ERC2: variants seen among roughly 807,000 people sequenced by gnomAD.
ERC2 encodes the protein ERC protein 2.
Under a neutral mutation model 114.8 loss-of-function variants are expected in ERC2, and 42 were observed. The ratio of observed to expected loss-of-function variants is 0.37; its 90% confidence interval spans 0.29 to 0.47. The LOEUF is 0.47. ERC2 is among the 20% of genes least tolerant of loss of function. ERC2 has a pLI of 0.99. For missense variants in ERC2, 939 were observed against 1,150.7 expected (o/e 0.82, Z 2.66); for synonymous variants, 454 against 425.5 (o/e 1.07, Z -0.82).
Position 56,348,554 on chromosome 3 carries a change from A to C in ERC2, c.658-52119T>G, listed in dbSNP as rs530767443. Reference sequence around the variant, plus strand: ...TTTAATATTTAATAATTATGTATTTATAAATTAAATATATACAACTTTATG... The same window carrying C: ...TTTAATATTTAATAATTATGTATTTCTAAATTAAATATATACAACTTTATG... On this transcript the variant is annotated intron_variant, in intron 2 of 17. Coordinates refer to ENST00000288221, the MANE Select transcript of ERC2 (RefSeq NM_015576.3). 4.1e-4 allele frequency among the ~76,000 whole-genome samples: 61 copies of C among 149,438 alleles called. 1 individual carries two copies. The East Asian group carries it at 0.011, about 27-fold the overall frequency.
intron 17 of ERC2, among the ~76,000 whole-genome samples, chr3:55,634,392 G>A (rs1409814961): frequency 6.6e-6 from 1 of 152,018 alleles, no homozygotes; most frequent in Non-Finnish European, 1.5e-5. Flanking sequence ...TACGATCTTG[G>A]CCAAATTCTA....
chr3:56,324,113 C>G (rs1427905914), intron 2 of ERC2, among the ~76,000 whole-genome samples: 2 of 152,152 alleles, frequency 1.3e-5, no homozygotes, highest in Non-Finnish European at 2.9e-5. Flanking sequence ...CAGTTCCTAT[C>G]CCTAAACAAT....
At chr3:56,299,114 T>G (rs1283679939) in intron 2 of ERC2, among the ~76,000 whole-genome samples, 2 of 136,398 alleles carry the variant, frequency 1.5e-5, no homozygotes, top group East Asian at 2.0e-4. Flanking sequence ...TTGTTTTTTT[T>G]TTTTGTTTTT....
Position 56,029,134 on chromosome 3 carries a change from C to T in ERC2, c.1642-10103G>A, listed in dbSNP as rs188091296. Among the ~76,000 whole-genome samples, 934 of 151,928 alleles carry T rather than the reference C, an allele frequency of 6.1e-3. 15 individuals are homozygous for T. The highest frequency in any genetic ancestry group is 0.022 in the African/African-American group (892 of 41,454). On this transcript the variant is annotated intron_variant, in intron 7 of 17. Transcript: ENST00000288221. Reference sequence around the variant, plus strand: ...GGTGTGCTAAATCAGCCTTGCACACCGGGAATAAATTTCACTTGGTCATGC... The same window carrying T: ...GGTGTGCTAAATCAGCCTTGCACACTGGGAATAAATTTCACTTGGTCATGC...
intron 2 of ERC2, among the ~76,000 whole-genome samples, chr3:56,342,379 T>C (rs2058122924): frequency 6.6e-6 from 1 of 152,234 alleles, no homozygotes; most frequent in South Asian, 2.1e-4. Flanking sequence ...GATTCCATAA[T>C]AACAAATATC....
chr3:56,345,140 A>C (rs1013382554), intron 2 of ERC2, among the ~76,000 whole-genome samples: 1 of 152,228 alleles, frequency 6.6e-6, no homozygotes. Flanking sequence ...ATAAAACTTT[A>C]TTTACAGAAA....
chr3:55,536,687 G>C (rs1021838490), intron 17 of ERC2, among the ~76,000 whole-genome samples: 1 of 152,208 alleles, frequency 6.6e-6, no homozygotes, highest in African/African-American at 2.4e-5. Context: ...CTGCTAAGGG[G>C]CTACACTAAA....
intron 1 of ERC2, among the ~76,000 whole-genome samples, chr3:56,452,909 A>G (rs1191285728): frequency 1.3e-5 from 2 of 152,210 alleles, no homozygotes; most frequent in Non-Finnish European, 2.9e-5. Flanking sequence ...CCTCATCATC[A>G]TCAATATTGA....
intron 2 of ERC2, among the ~76,000 whole-genome samples, chr3:56,327,485 A>T (rs2150443008): frequency 1.3e-5 from 2 of 152,306 alleles, no homozygotes; most frequent in Non-Finnish European, 2.9e-5. Flanking sequence ...GCCTAACCAT[A>T]TCACACTGAA....
chr3:56,437,330 C>A (rs1260797113), intron 1 of ERC2, among the ~76,000 whole-genome samples: 1 of 152,242 alleles, frequency 6.6e-6, no homozygotes, highest in Non-Finnish European at 1.5e-5. Context: ...CAGCCACTGC[C>A]CAGCGGGGCA....
intron 13 of ERC2, among the ~76,000 whole-genome samples, chr3:55,927,829 G>T (rs569818584): frequency 2.5e-4 from 38 of 151,748 alleles, no homozygotes; most frequent in African/African-American, 8.9e-4. Flanking sequence ...ATTTTTTTTA[G>T]CTCCCACAAA....
intron 7 of ERC2, among the ~76,000 whole-genome samples, chr3:56,033,500 G>A (rs557051049): frequency 3.9e-5 from 6 of 152,208 alleles, no homozygotes; most frequent in African/African-American, 1.2e-4. Flanking sequence ...CATGTATAGT[G>A]GTGACGAGCT....
intron 17 of ERC2, among the ~76,000 whole-genome samples, chr3:55,590,310 G>A (rs1575682688): frequency 6.6e-6 from 1 of 152,160 alleles, no homozygotes; most frequent in Non-Finnish European, 1.5e-5. Context: ...GGGTGCATAA[G>A]GTGCTTTCAA....
intron 13 of ERC2, among the ~76,000 whole-genome samples, chr3:55,949,959 T>C (rs1450072358): frequency 6.6e-6 from 1 of 152,208 alleles, no homozygotes; most frequent in Non-Finnish European, 1.5e-5. Flanking sequence ...AGAATAATGA[T>C]CTGTGTCTGA....
At chr3:56,062,666 C>T (rs549742295) in intron 7 of ERC2, among the ~76,000 whole-genome samples, 1 of 152,228 alleles carries the variant, frequency 6.6e-6, no homozygotes, top group Admixed American at 6.5e-5. Context: ...CACACCCAAA[C>T]ACACATATGC....
At chr3:55,906,962 T>C (rs1383566846) in intron 13 of ERC2, among the ~76,000 whole-genome samples, 4 of 152,170 alleles carry the variant, frequency 2.6e-5, no homozygotes. Flanking sequence ...TTTTCTGTAG[T>C]GATGGCCCAG....
At chr3:55,929,231 G>A (rs2065929573) in intron 13 of ERC2, among the ~76,000 whole-genome samples, 1 of 152,152 alleles carries the variant, frequency 6.6e-6, no homozygotes, top group Non-Finnish European at 1.5e-5. Context: ...CCAGAAGAGT[G>A]TAAACAGAGA....
intron 17 of ERC2, among the ~76,000 whole-genome samples, chr3:55,641,483 G>A (rs1322674066): frequency 1.5e-5 from 2 of 134,604 alleles, no homozygotes; most frequent in African/African-American, 2.7e-5. Flanking sequence ...CTCGGAGGCA[G>A]AGGTTGCAGT....
rs191188333 is a variant in ERC2 at position 56,065,431 on chromosome 3, G to A, written c.1641+15386C>T. Reference sequence around the variant, plus strand: ...AGAGACAGGTCTCACTCTGTTCCCCGGGCTGCTCTCAAATTCCTGGGCTCC... The same window carrying A: ...AGAGACAGGTCTCACTCTGTTCCCCAGGCTGCTCTCAAATTCCTGGGCTCC... On this transcript the variant is annotated intron_variant, in intron 7 of 17. Coordinates refer to ENST00000288221, the MANE Select transcript of ERC2 (RefSeq NM_015576.3). Among the ~76,000 whole-genome samples, 796 of 151,380 alleles carry A rather than the reference G, an allele frequency of 5.3e-3. 7 individuals carry two copies. The highest frequency in any genetic ancestry group is 0.018 in the African/African-American group (731 of 41,248).
Sources: allele counts gnomAD v4.1 joint callset (sites outside exome capture counted in the v4.1 genomes callset), GRCh38; gene constraint gnomAD v4.1.1; transcripts MANE v1.5; gene names NCBI Gene and HGNC (gene_info 2026-07-23, HGNC 2026-07-21).